APBA1: variants seen among roughly 807,000 people sequenced by gnomAD.
The protein encoded by APBA1 is amyloid-beta A4 precursor protein-binding family A member 1.
APBA1 carries 55 observed loss-of-function variants against 86.6 expected under a neutral mutation model. The ratio of observed to expected loss-of-function variants is 0.64; its 90% CI spans 0.51 to 0.80. The LOEUF is 0.80. Among genes scored for constraint, APBA1 ranks in the 30% least tolerant of loss-of-function variants. The pLI is 0.00. For synonymous variants in APBA1, 511 were observed against 493.9 expected (o/e 1.03, Z -0.46); for missense variants, 1,090 against 1,183.0 (o/e 0.92, Z 1.15).
intron 1 of APBA1, among the ~76,000 whole-genome samples, chr9:69,597,736 G>A (rs1588385561): frequency 1.3e-5 from 2 of 152,178 alleles, no homozygotes; most frequent in Admixed American, 1.3e-4. Context: ...CATATGGCTA[G>A]CCAGTTTTCC....
chr9:69,604,168 G>C (rs796703569), intron 1 of APBA1, among the ~76,000 whole-genome samples: 3 of 152,284 alleles, frequency 2.0e-5, no homozygotes, highest in African/African-American at 7.2e-5. Context: ...TTGTGGGGGG[G>C]TGTGCACATG....
intron 11 of APBA1, among the ~76,000 whole-genome samples, chr9:69,436,986 A>C (rs1238448687): frequency 6.6e-6 from 1 of 152,066 alleles, no homozygotes; most frequent in Non-Finnish European, 1.5e-5. Context: ...TTTAGCATGA[A>C]GCGTTGTTGA....
chr9:69,516,143 G>A lies in APBA1; in HGVS notation c.1068C>T (p.Ala356=). 1 of 1,613,320 alleles carries A rather than the reference G, an allele frequency of 6.2e-7. No homozygotes were observed. Among genetic ancestry groups the A allele is most frequent in the Non-Finnish European group, 8.5e-7 (1 of 1,179,632 alleles). ...ISLAIKDIKE[A]IEEVKTRTIR... ...TGGTCCTGGTTTTCACCTCCTCGATGGCCTCCTTGATGTCCTTGATGGCCA... is the reference window on the plus strand; with the variant it reads ...TGGTCCTGGTTTTCACCTCCTCGATAGCCTCCTTGATGTCCTTGATGGCCA... The change falls in exon 2 of 13, where the codon GCC becomes GCT. Residue 356 remains alanine, a synonymous_variant. Transcript: ENST00000265381. The surrounding 1 kb of genome is among the most constrained non-coding windows in gnomAD (Gnocchi z 7.3).
intron 1 of APBA1, among the ~76,000 whole-genome samples, chr9:69,642,925 AC>A (rs1337569802): frequency 1.3e-5 from 2 of 150,522 alleles, no homozygotes; most frequent in African/African-American, 2.5e-5. Context: ...GACTTACCAA[AC>A]CTCCACAATC....
rs186344422 is a variant in APBA1 at position 69,450,019 on chromosome 9, G to A, written c.1969-223C>T. Among the ~76,000 whole-genome samples, 47 of 143,916 alleles carry A rather than the reference G, an allele frequency of 3.3e-4. 1 individual carries two copies. The highest frequency in any genetic ancestry group is 4.9e-4 in the Admixed American group (7 of 14,396). The allele number at this position is 143,916 out of a possible 152,430, so 94.4% of individuals were successfully genotyped here. ...TTTGTAATTCACTCGTTTCACATAAGCAAACTTGCCTCAGCACACAACCAT... is the reference window on the plus strand; with the variant it reads ...TTTGTAATTCACTCGTTTCACATAAACAAACTTGCCTCAGCACACAACCAT... On this transcript the variant is annotated intron_variant, in intron 9 of 12. Transcript: ENST00000265381.
rs1181310421 is a variant in APBA1, at chr9:69,516,784, G to A, written c.427C>T (p.Arg143Cys). The change falls in exon 2 of 13, where the codon CGC becomes TGC. Residue 143 changes from arginine (R) to cysteine (C), a missense_variant. Transcript: ENST00000265381. This position sits in a 1 kb window ranked among gnomAD's most constrained non-coding sequence, Gnocchi z 7.3. ...TGCAGGTGGTTGGGCAGCGCGCGGC[G>A]GTGCGTGGCCTCGGCGTGCTCGGCC... ...AEAEHAEATH[R>C]RALPNHLHFH... The A allele has an allele frequency of 1.2e-6, 2 of 1,610,870 alleles. No individual in the cohort carries two copies. The highest frequency in any genetic ancestry group is 8.5e-7 in the Non-Finnish European group (1 of 1,179,488).
chr9:69,530,760 T>G (rs576890980), intron 1 of APBA1, among the ~76,000 whole-genome samples: 36 of 152,284 alleles, frequency 2.4e-4, no homozygotes, highest in African/African-American at 8.7e-4. Context: ...GAAGACAGCA[T>G]AGGGAAGACT....
At chr9:69,587,687 T>C (rs1180975384) in intron 1 of APBA1, among the ~76,000 whole-genome samples, 1 of 152,172 alleles carries the variant, frequency 6.6e-6, no homozygotes, top group Non-Finnish European at 1.5e-5. Flanking sequence ...ACGACCCACC[T>C]TTGGTAGCAG....
intron 1 of APBA1, among the ~76,000 whole-genome samples, chr9:69,600,624 C>T (rs1373145950): frequency 6.6e-6 from 1 of 151,706 alleles, no homozygotes; most frequent in East Asian, 1.9e-4. Flanking sequence ...CATGGTGAAA[C>T]CCTGTCTCTA....
chr9:69,505,147 T>G (rs1047796839), intron 2 of APBA1, among the ~76,000 whole-genome samples: 3 of 152,068 alleles, frequency 2.0e-5, no homozygotes, highest in African/African-American at 7.2e-5. Context: ...TGGCTTAAAA[T>G]GATAAAGGTT....
chr9:69,501,693 T>C (rs924524474), intron 2 of APBA1, among the ~76,000 whole-genome samples: 1 of 150,276 alleles, frequency 6.7e-6, no homozygotes, highest in Non-Finnish European at 1.5e-5. Flanking sequence ...CTGGGCATGA[T>C]GGTATGCACC....
chr9:69,514,743 T>C (rs1184736571), intron 2 of APBA1, among the ~76,000 whole-genome samples: 2 of 151,952 alleles, frequency 1.3e-5, no homozygotes, highest in Non-Finnish European at 2.9e-5. Flanking sequence ...ACCCCGTCTC[T>C]ACTAAAAAAT....
chr9:69,520,617 A>G (rs1202688287), intron 1 of APBA1, among the ~76,000 whole-genome samples: 2 of 152,296 alleles, frequency 1.3e-5, no homozygotes, highest in East Asian at 1.9e-4. Context: ...TGGAGTTCCC[A>G]TAACACTTCA....
rs564393147 is a variant in APBA1 at position 69,652,554 on chromosome 9, T to C, written c.-70+19599A>G. The stretch of plus-strand genomic sequence containing the variant: ...AGCCACAAAGACAGTAAAAAAGAAA[T>C]AAAAGAAGAAAGGATCTGCAAAACA... On this transcript the variant is annotated intron_variant, in intron 1 of 12. Coordinates refer to ENST00000265381, the MANE Select transcript of APBA1 (RefSeq NM_001163.4). Among the ~76,000 whole-genome samples, 66 of 151,966 alleles carry C rather than the reference T, an allele frequency of 4.3e-4. 1 individual carries two copies. The South Asian group carries it at 0.01, about 23-fold the overall frequency.
At chr9:69,432,502 C>A (rs1456240040) in intron 12 of APBA1, 34 bp downstream of exon 12, 1 of 1,475,750 alleles carries the variant, frequency 6.8e-7, no homozygotes, top group African/African-American at 1.4e-5. Flanking sequence ...AGACGCGGCC[C>A]TCAGCACCAC....
chr9:69,466,070 C>T lies in APBA1; in HGVS notation c.1482+1753G>A, dbSNP rs186306975. On this transcript the variant is annotated intron_variant, in intron 5 of 12. Transcript: ENST00000265381. The stretch of plus-strand genomic sequence containing the variant: ...AACATCGTAGTCATGTCAAAAGTTA[C>T]GGCATGGGCTTTACTGTCCTAGGAG... Among the ~76,000 whole-genome samples the T allele has an allele frequency of 2.3e-4, 35 of 152,296 alleles. No individual in the cohort carries two copies. In the East Asian group the frequency reaches 5.8e-3, roughly 25 times the overall value.
chr9:69,537,824 T>A (rs980111623), intron 1 of APBA1, among the ~76,000 whole-genome samples: 1 of 152,014 alleles, frequency 6.6e-6, no homozygotes, highest in Non-Finnish European at 1.5e-5. Flanking sequence ...TTTTTAACAT[T>A]AAGGGTATTA....
At chr9:69,658,338 C>CT (rs1823678965) in intron 1 of APBA1, among the ~76,000 whole-genome samples, 1 of 140,152 alleles carries the variant, frequency 7.1e-6, no homozygotes, top group South Asian at 2.3e-4. Flanking sequence ...TTCTTTCTTT[C>CT]TTTCTTTCTT....
intron 1 of APBA1, among the ~76,000 whole-genome samples, chr9:69,600,002 A>G (rs192814510): frequency 4.6e-5 from 7 of 152,250 alleles, no homozygotes; most frequent in Non-Finnish European, 1.0e-4. Context: ...CTCATCTCAC[A>G]CCCAGAAACA....
Sources: gnomAD v4.1 joint callset for allele counts (sites outside exome capture counted in the v4.1 genomes callset) on GRCh38, gnomAD v4.1.1 for gene constraint, Gnocchi (gnomAD v3.1) non-coding constraint, MANE v1.5 for transcripts, NCBI Gene and HGNC (gene_info 2026-07-23, HGNC 2026-07-21) for gene names.